Variants in PCDHGA5 observed in about 807,000 individuals in gnomAD.
PCDHGA5 encodes protocadherin gamma subfamily A, 5, also known as protocadherin gamma-A5.
PCDHGA5 carries 36 observed loss-of-function variants against 56.7 expected under a neutral mutation model. That is an observed-to-expected ratio of 0.64 (90% CI 0.49 to 0.84). The LOEUF is 0.84. Among genes scored for constraint, PCDHGA5 ranks in the 40% least tolerant of loss-of-function variants. The pLI, the probability that PCDHGA5 is intolerant of heterozygous loss-of-function variation, is 0.00. For synonymous variants in PCDHGA5, 563 were observed against 520.2 expected (o/e 1.08, Z -1.12); for missense variants, 1,305 against 1,201.5 (o/e 1.09, Z -1.27).
intron 1 of PCDHGA5, chr5:141,409,924 C>A (rs760490649): frequency 6.2e-7 from 1 of 1,613,416 alleles, no homozygotes; most frequent in Admixed American, 1.7e-5. Flanking sequence ...GCTCCGCGTT[C>A]TTCGATATGG....
At chr5:141,497,050 G>T (rs113054804) in intron 2 of PCDHGA5, among the ~76,000 whole-genome samples, 5,544 of 152,084 alleles carry the variant, frequency 0.036, 137 homozygotes, top group South Asian at 0.074. Context: ...TTAGCCAGGC[G>T]TGGTGGCAGG....
At chr5:141,423,076 C>A in intron 1 of PCDHGA5, 1 of 1,614,128 alleles carries the variant, frequency 6.2e-7, no homozygotes, top group Non-Finnish European at 8.5e-7. Context: ...CGAGCCGGGA[C>A]TCTTCGCGGT....
Position 141,415,335 on chromosome 5 carries a change from G to T in PCDHGA5, c.2421+48584G>T, listed in dbSNP as rs779617513. On this transcript the variant is annotated intron_variant, in intron 1 of 3. Coordinates refer to ENST00000518069, the MANE Select transcript of PCDHGA5 (RefSeq NM_018918.3). ...TCATCGTGCTGCTGGCGCACAGGCT[G>T]CGGCGCTGGCACAAGTCACGCCTGC... The T allele has an allele frequency of 4.3e-6, 7 of 1,614,110 alleles. No homozygotes were observed. The Admixed American group carries it at 1.2e-4, about 27-fold the overall frequency.
At chr5:141,456,819 C>A (rs1453433865) in intron 1 of PCDHGA5, among the ~76,000 whole-genome samples, 1 of 151,982 alleles carries the variant, frequency 6.6e-6, no homozygotes, top group Non-Finnish European at 1.5e-5. Flanking sequence ...AAAAAATTAG[C>A]CATCGTGGTA....
chr5:141,366,798 T>C, intron 1 of PCDHGA5, 47 bp downstream of exon 1: 1 of 1,567,294 alleles, frequency 6.4e-7, no homozygotes, highest in Non-Finnish European at 8.7e-7. Context: ...TTTCATTTGT[T>C]TCCTTTTTCA....
chr5:141,399,314 A>C (rs1309292354), intron 1 of PCDHGA5: 9 of 1,613,988 alleles, frequency 5.6e-6, no homozygotes, highest in Non-Finnish European at 1.7e-6. Context: ...TCATCCAAAA[A>C]TTCGTATAAG....
intron 1 of PCDHGA5, chr5:141,399,416 C>T: frequency 6.2e-7 from 1 of 1,614,046 alleles, no homozygotes; most frequent in African/African-American, 1.3e-5. Context: ...CCCCTCTCCT[C>T]CAGCATAAGC....
chr5:141,376,304 G>T, intron 1 of PCDHGA5: 1 of 1,614,218 alleles, frequency 6.2e-7, no homozygotes, highest in Non-Finnish European at 8.5e-7. Context: ...CTCGCACTTT[G>T]TGGGCGTGGA....
chr5:141,459,068 A>G (rs1278498678), intron 1 of PCDHGA5, among the ~76,000 whole-genome samples: 1 of 152,226 alleles, frequency 6.6e-6, no homozygotes, highest in African/African-American at 2.4e-5. Flanking sequence ...TATATAACAT[A>G]AAATTTGCCT....
intron 1 of PCDHGA5, chr5:141,370,230 C>T (rs1002647727): frequency 3.7e-5 from 22 of 587,906 alleles, no homozygotes; most frequent in African/African-American, 5.6e-5. Context: ...GCAGCCAGCT[C>T]GGAAGAAAAG....
chr5:141,439,680 A>T (rs1478261632), intron 1 of PCDHGA5, among the ~76,000 whole-genome samples: 1 of 152,236 alleles, frequency 6.6e-6, no homozygotes, highest in African/African-American at 2.4e-5. Context: ...ATCCAAGAGC[A>T]GACCCACAAC....
At chr5:141,378,827 A>G (rs983017381) in intron 1 of PCDHGA5, 1 of 152,256 alleles carries the variant, frequency 6.6e-6, no homozygotes, top group African/African-American at 2.4e-5. Flanking sequence ...TTTCATGAAC[A>G]GAAAACAGCA....
intron 1 of PCDHGA5, chr5:141,441,837 G>A (rs952709777): frequency 2.8e-6 from 1 of 354,138 alleles, no homozygotes. Context: ...ATGGCTTCGC[G>A]CTCTTGGATA....
At position 141,371,314 on chromosome 5, in the gene PCDHGA5, T is replaced by G. The variant is rs763858209; in HGVS notation, c.2421+4563T>G. The G allele has an allele frequency of 6.8e-6, 11 of 1,613,964 alleles. No individual in the cohort carries two copies. The East Asian group carries it at 2.2e-4, about 33-fold the overall frequency. The stretch of plus-strand genomic sequence containing the variant: ...GGGGAACTCACCACTATTGGAGAAC[T>G]GGACTTTGAAGAGAGAGATAGCTAC... On this transcript the variant is annotated intron_variant, in intron 1 of 3. Transcript: ENST00000518069.
chr5:141,399,727 G>A, intron 1 of PCDHGA5: 1 of 1,613,308 alleles, frequency 6.2e-7, no homozygotes, highest in Non-Finnish European at 8.5e-7. Context: ...CCGCGACCAG[G>A]GCTCGCCTGC....
intron 1 of PCDHGA5, chr5:141,374,093 C>T (rs1039229802): frequency 6.4e-7 from 1 of 1,554,822 alleles, no homozygotes; most frequent in Middle Eastern, 1.8e-4. Context: ...AATGGCGCCT[C>T]CGCAGAGGCA....
At chr5:141,404,479 A>C in intron 1 of PCDHGA5, 1 of 1,613,750 alleles carries the variant, frequency 6.2e-7, no homozygotes, top group South Asian at 1.1e-5. Context: ...CTATTAACTC[A>C]GACACTGGTG....
chr5:141,413,140 A>T (rs2095607783), intron 1 of PCDHGA5: 1 of 1,563,150 alleles, frequency 6.4e-7, no homozygotes, highest in Non-Finnish European at 8.7e-7. Flanking sequence ...CAACGTGTCC[A>T]GTGAGGACTT....
intron 1 of PCDHGA5, chr5:141,375,994 G>T (rs553803944): frequency 1.2e-6 from 2 of 1,613,410 alleles, no homozygotes; most frequent in East Asian, 2.2e-5. Context: ...ACAGAGACGC[G>T]CTCAAGCAGA....
Sources: allele counts gnomAD v4.1 joint callset (sites outside exome capture counted in the v4.1 genomes callset), GRCh38; gene constraint gnomAD v4.1.1; transcripts MANE v1.5; gene names NCBI Gene and HGNC (gene_info 2026-07-23, HGNC 2026-07-21).